The following CA14 variants were observed in gnomAD, a reference collection of about 807,000 sequenced individuals.
CA14 encodes the protein CA-XIV.
Under a neutral mutation model 48.8 loss-of-function variants are expected in CA14, and 44 were observed. That is an observed-to-expected ratio of 0.90 (90% CI 0.71 to 1.16). The LOEUF (loss-of-function observed/expected upper bound fraction) is 1.16. Among genes scored for constraint, CA14 ranks in the 50% most tolerant of loss-of-function variants. The probability of loss-of-function intolerance (pLI) is 0.00; values close to 1 mark genes in which losing one functional copy is unlikely to be tolerated. For synonymous variants in CA14, 154 were observed against 155.0 expected, an observed-to-expected ratio of 0.99 and a Z score of 0.05; for missense variants, 386 against 401.0, an observed-to-expected ratio of 0.96 and a Z score of 0.32.
intron 10 of CA14, among the ~76,000 whole-genome samples, chr1:150,264,370 T>A (rs782766395): frequency 6.6e-5 from 10 of 151,572 alleles, no homozygotes; most frequent in Admixed American, 1.3e-4. Context: ...GCCCAGATAA[T>A]TTTTGTATTT....
In CA14 at chr1:150,263,668, C is replaced by T. The variant is rs782127819; in HGVS notation, c.851C>T (p.Ser284Leu). ...TTTTCTTCTCTTACAGCAGGATCCT[C>T]GTATACCACAGGTAAGCCAGCCTTA... ...VFASFIQAGSSYTTGEMLSLG... is the reference protein window; with the variant it reads ...VFASFIQAGSLYTTGEMLSLG... The change falls in exon 9 of 11, where the codon TCG becomes TTG. Residue 284 changes from serine (S) to leucine (L), a missense_variant. Coordinates refer to ENST00000369111, the MANE Select transcript of CA14 (RefSeq NM_012113.3). 3.1e-6 allele frequency: 5 copies of T among 1,613,820 alleles called. No homozygotes were observed. Among genetic ancestry groups the T allele is most frequent in the Middle Eastern group, 3.3e-4 (2 of 6,074 alleles).
At chr1:150,262,443 C>T (rs919221417) in intron 4 of CA14, 82 bp from the exon 5 acceptor site, 21 of 1,470,514 alleles carry the variant, frequency 1.4e-5, no homozygotes, top group East Asian at 2.3e-5. Context: ...CCGGGGACAG[C>T]GGGGGGATGG....
In CA14 at chr1:150,258,080, T is replaced by C. The variant is rs1650694593; in HGVS notation, c.-49T>C. On this transcript the variant is annotated 5_prime_UTR_variant, in exon 1 of 11. Transcript: ENST00000369111. ...CTCCCTCTCTCTCTGCCTGTCCTAG[T>C]CCTCTAGTCCTCAAATTCCCAGTCC... 1.4e-6 allele frequency: 2 copies of C among 1,463,974 alleles called. No homozygotes were observed. The highest frequency in any genetic ancestry group is 1.9e-6 in the Non-Finnish European group (2 of 1,056,342). The allele number at this position is 1,463,974 out of a possible 1,614,324, so 90.7% of individuals were successfully genotyped here.
intron 1 of CA14, among the ~76,000 whole-genome samples, chr1:150,258,534 C>T (rs1354243618): frequency 6.6e-6 from 1 of 152,028 alleles, no homozygotes; most frequent in African/African-American, 2.4e-5. Flanking sequence ...CAAACTCCTC[C>T]AAATAGGGAG....
intron 10 of CA14, among the ~76,000 whole-genome samples, chr1:150,264,085 C>G (rs1651409882): frequency 6.6e-6 from 1 of 151,870 alleles, no homozygotes; most frequent in Non-Finnish European, 1.5e-5. Context: ...ACCATCACAC[C>G]CAGCTAATTT....
In CA14 at chr1:150,264,730, G is replaced by A. The variant is rs781956524; in HGVS notation, c.*71G>A. 2.5e-6 allele frequency: 3 copies of A among 1,205,800 alleles called. No homozygotes were observed. Among genetic ancestry groups the A allele is most frequent in the Admixed American group, 1.9e-5 (1 of 53,698 alleles). 74.7% of individuals were successfully genotyped at this position (1,205,800 alleles called of 1,614,324 possible). ...TATCAGGAAGCCTCTAAAATGGGGT[G>A]TAGGATCTGGCCAGAAACACTGTAG... On this transcript the variant is annotated 3_prime_UTR_variant, in exon 11 of 11. Coordinates refer to ENST00000369111, the MANE Select transcript of CA14 (RefSeq NM_012113.3).
In CA14 at chr1:150,258,037, TCTCTCTCTCACTCCTCCCTCC is replaced by T; in HGVS notation, c.-82_-62del. ...GCCAGGAGCTCGCTCGCTCTCTCTC[TCTCTCTCTCACTCCTCCCTCC>T]CTCTCTCTCTGCCTGTCCTAGTCCT... On this transcript the variant is annotated 5_prime_UTR_variant, in exon 1 of 11. Transcript: ENST00000369111. 1 of 906,552 alleles carries T rather than the reference TCTCTCTCTCACTCCTCCCTCC, an allele frequency of 1.1e-6. No individual in the cohort carries two copies. The highest frequency in any genetic ancestry group is 1.7e-6 in the Non-Finnish European group (1 of 603,976). The allele number at this position is 906,552 out of a possible 1,614,324, so 56.2% of individuals were successfully genotyped here. A position where few individuals can be genotyped will look rare whatever the true frequency, so the allele number is the denominator to read the frequency against.
At chr1:150,263,610 G>A (rs75276456) in intron 8 of CA14, 49 bp from the exon 9 acceptor site, 7 of 1,612,920 alleles carry the variant, frequency 4.3e-6, no homozygotes, top group Non-Finnish European at 5.9e-6. Flanking sequence ...GCTGCTCCCA[G>A]CTGGGATGGG....
rs782784174 is a variant in CA14, at chr1:150,261,632, C to A, written c.250C>A (p.His84Asn). 1.9e-6 allele frequency: 3 copies of A among 1,613,526 alleles called. No individual in the cohort carries two copies. The East Asian group carries it at 6.7e-5, about 36-fold the overall frequency. The change falls in exon 3 of 11, where the codon CAC (histidine) becomes AAC (asparagine). Residue 84 changes from histidine (H) to asparagine (N), a missense_variant. By Grantham distance (68) the His-to-Asn change is moderately conservative (BLOSUM62 1). Coordinates refer to ENST00000369111, the MANE Select transcript of CA14 (RefSeq NM_012113.3). ...TEPLDLHNNGHTVQLSLPSTL... is the reference protein window; with the variant it reads ...TEPLDLHNNGNTVQLSLPSTL... ...GCCTTTGGACCTGCACAACAATGGC[C>A]ACACAGGTAAAAGCACAGGCTCCAA...
Position 150,263,793 on chromosome 1 carries a change from G to C in CA14, c.863-1G>C. 6.2e-7 allele frequency: 1 copy of C among 1,613,974 alleles called. No homozygotes were observed. Among genetic ancestry groups the C allele is most frequent in the Non-Finnish European group, 8.5e-7 (1 of 1,179,842 alleles). On this transcript the variant is annotated splice_acceptor_variant, in intron 9 of 10. Transcript: ENST00000369111. LOFTEE classifies it high-confidence loss of function. The stretch of plus-strand genomic sequence containing the variant: ...ACACCTTTTACCTTTATCTCCCCCA[G>C]GTGAAATGCTGAGTCTAGGTGTAGG...
chr1:150,264,061 G>A (rs1459253950), intron 10 of CA14, among the ~76,000 whole-genome samples, 183 bp downstream of exon 10: 14 of 151,990 alleles, frequency 9.2e-5, no homozygotes, highest in Non-Finnish European at 8.8e-5. Context: ...GAGTAGCTGG[G>A]ACTACAGGCA....
At chr1:150,264,446 G>A (rs868994329) in intron 10 of CA14, 147 bp from the exon 11 acceptor site, 7 of 553,082 alleles carry the variant, frequency 1.3e-5, no homozygotes, top group African/African-American at 9.6e-5. Context: ...CAAGTGATCC[G>A]CCCGCCTCAG....
At position 150,264,734 on chromosome 1, in the gene CA14, G is replaced by A; in HGVS notation, c.*75G>A. 1 of 1,136,308 alleles carries A rather than the reference G, an allele frequency of 8.8e-7. No homozygotes were observed. The allele number at this position is 1,136,308 out of a possible 1,614,324, so 70.4% of individuals were successfully genotyped here. A position where few individuals can be genotyped will look rare whatever the true frequency, so the allele number is the denominator to read the frequency against. On this transcript the variant is annotated 3_prime_UTR_variant, in exon 11 of 11. Transcript: ENST00000369111. ...AGGAAGCCTCTAAAATGGGGTGTAG[G>A]ATCTGGCCAGAAACACTGTAGGAGT... is the stretch of plus-strand genomic sequence containing the variant.
At chr1:150,260,893 G>A (rs1425105543) in intron 2 of CA14, 1 of 154,606 alleles carries the variant, frequency 6.5e-6, no homozygotes, top group Non-Finnish European at 1.4e-5. Context: ...TCGAGTAGCT[G>A]GGATTACAGG....
In CA14 at chr1:150,258,023, G is replaced by C; in HGVS notation, c.-106G>C. On this transcript the variant is annotated 5_prime_UTR_variant, in exon 1 of 11. Transcript: ENST00000369111. Reference sequence around the variant, plus strand: ...ATAAATACACTCACGCCAGGAGCTCGCTCGCTCTCTCTCTCTCTCTCTCAC... The same window carrying C: ...ATAAATACACTCACGCCAGGAGCTCCCTCGCTCTCTCTCTCTCTCTCTCAC... 1 of 718,938 alleles carries C rather than the reference G, an allele frequency of 1.4e-6. No homozygotes were observed. Among genetic ancestry groups the C allele is most frequent in the South Asian group, 2.5e-5 (1 of 39,262 alleles). 44.5% of individuals were successfully genotyped at this position (718,938 alleles called of 1,614,324 possible). A position where few individuals can be genotyped will look rare whatever the true frequency, so the allele number is the denominator to read the frequency against.
In CA14 at chr1:150,264,940, ACC is replaced by A. The variant is rs1266014624; in HGVS notation, c.*284_*285del. On this transcript the variant is annotated 3_prime_UTR_variant, in exon 11 of 11. Coordinates refer to ENST00000369111, the MANE Select transcript of CA14 (RefSeq NM_012113.3). ...TAGTTGCAGGGGAAGTTTGGGATAT[ACC>A]CCAAAGTCCTCTACCCCCTCACTTT... 7 of 283,088 alleles carry A rather than the reference ACC, an allele frequency of 2.5e-5. No individual in the cohort carries two copies. Among genetic ancestry groups the A allele is most frequent in the African/African-American group, 1.5e-4 (7 of 46,124 alleles). 17.5% of individuals were successfully genotyped at this position (283,088 alleles called of 1,614,324 possible).
chr1:150,261,385 C>A, intron 2 of CA14, 74 bp from the exon 3 acceptor site: 1 of 1,377,424 alleles, frequency 7.3e-7, no homozygotes, highest in South Asian at 1.3e-5. Context: ...GGGGAAGGGT[C>A]AAAGGGAGGG....
At chr1:150,264,449 C>G (rs998125252) in intron 10 of CA14, 144 bp from the exon 11 acceptor site, 2 of 560,550 alleles carry the variant, frequency 3.6e-6, no homozygotes, top group South Asian at 2.1e-5. Context: ...GTGATCCGCC[C>G]GCCTCAGCCT....
rs1651029320 is a variant in CA14 at position 150,261,520 on chromosome 1, GC to G, written c.141del (p.Ile48SerfsTer8). 6.2e-7 allele frequency: 1 copy of G among 1,614,028 alleles called. No homozygotes were observed. Among genetic ancestry groups the G allele is most frequent in the Non-Finnish European group, 8.5e-7 (1 of 1,180,036 alleles). On this transcript the variant is annotated frameshift_variant, in exon 3 of 11. Coordinates refer to ENST00000369111, the MANE Select transcript of CA14 (RefSeq NM_012113.3). LOFTEE classifies it high-confidence loss of function. Reference sequence around the variant, plus strand: ...CTGAGTGTGGAAACAATGCCCAGTCGCCCATCGATATTCAGACAGACAGTGT... The same window carrying G: ...CTGAGTGTGGAAACAATGCCCAGTCGCCATCGATATTCAGACAGACAGTGT... Reference protein sequence around the residue: ...YPECGNNAQSPIDIQTDSVTF... With the variant: ...YPECGNNAQSXIDIQTDSVTF...
Sources: gnomAD v4.1 joint callset for allele counts (sites outside exome capture counted in the v4.1 genomes callset) on GRCh38, gnomAD v4.1.1 for gene constraint, MANE v1.5 for transcripts, NCBI Gene and HGNC (gene_info 2026-07-23, HGNC 2026-07-21) for gene names.